FTO: variants seen among roughly 807,000 people sequenced by gnomAD.
The protein encoded by FTO is alpha-ketoglutarate-dependent dioxygenase FTO.
Under a neutral mutation model 63.9 loss-of-function variants are expected in FTO, and 47 were observed. That is an observed-to-expected ratio of 0.74 (90% confidence interval 0.58 to 0.94). The LOEUF (loss-of-function observed/expected upper bound fraction) is 0.94. Among genes scored for constraint, FTO ranks in the 40% least tolerant of loss-of-function variants. The pLI, the probability that FTO is intolerant of heterozygous loss-of-function variation, is 0.00. For synonymous variants in FTO, 207 were observed against 224.4 expected, an observed-to-expected ratio of 0.92 and a Z score of 0.69; for missense variants, 562 against 618.1, an observed-to-expected ratio of 0.91 and a Z score of 0.96.
intron 8 of FTO, among the ~76,000 whole-genome samples, chr16:54,022,725 A>C (rs114651936): frequency 0.012 from 1,888 of 152,352 alleles, 24 homozygotes; most frequent in African/African-American, 0.043. Flanking sequence ...CACAAAAAAA[A>C]CCACAAATGA....
chr16:53,872,425 C>T (rs960902902), intron 4 of FTO, among the ~76,000 whole-genome samples: 1 of 152,208 alleles, frequency 6.6e-6, no homozygotes. Context: ...TCTTTGTCTT[C>T]TCAACTTGGC....
chr16:54,008,129 A>G (rs8049988), intron 8 of FTO, among the ~76,000 whole-genome samples: 36,901 of 152,050 alleles, frequency 0.24, 4,860 homozygotes, highest in East Asian at 0.37. Flanking sequence ...CACTTAATAG[A>G]TTCTCCATAA....
chr16:53,905,110 G>A (rs777303900), intron 7 of FTO, among the ~76,000 whole-genome samples: 1 of 151,918 alleles, frequency 6.6e-6, no homozygotes, highest in Non-Finnish European at 1.5e-5. Flanking sequence ...TCAGGAGTTG[G>A]GGGCCTTACT....
At position 53,704,182 on chromosome 16, in the gene FTO, A is replaced by G. The variant is rs199561185; in HGVS notation, c.-3A>G. ...CGGTGGCGAAGGCGGCTTTAGTGGCAGCATGAAGCGCACCCCGACTGCCGA... is the reference window on the plus strand; with the variant it reads ...CGGTGGCGAAGGCGGCTTTAGTGGCGGCATGAAGCGCACCCCGACTGCCGA... On this transcript the variant is annotated 5_prime_UTR_variant, in exon 1 of 9. Coordinates refer to ENST00000471389, the MANE Select transcript of FTO (RefSeq NM_001080432.3). The G allele has an allele frequency of 1.9e-4, 293 of 1,551,406 alleles. No homozygotes were observed. The African/African-American group carries it at 3.6e-3, about 19-fold the overall frequency.
At chr16:53,732,333 G>A (rs370965968) in intron 1 of FTO, among the ~76,000 whole-genome samples, 15 of 152,290 alleles carry the variant, frequency 9.8e-5, no homozygotes, top group African/African-American at 3.6e-4. Flanking sequence ...TTACAAGCAT[G>A]AGCCACCATG....
chr16:53,884,062 G>A (rs1235868289), intron 6 of FTO, among the ~76,000 whole-genome samples: 1 of 152,118 alleles, frequency 6.6e-6, no homozygotes, highest in Non-Finnish European at 1.5e-5. Context: ...GAAGCCCTTG[G>A]TTTTACATAC....
chr16:53,882,564 G>C (rs1267449072), intron 6 of FTO, among the ~76,000 whole-genome samples: 1 of 152,188 alleles, frequency 6.6e-6, no homozygotes, highest in African/African-American at 2.4e-5. Context: ...CCTGGAGTCC[G>C]TGGAACAGTC....
intron 7 of FTO, among the ~76,000 whole-genome samples, chr16:53,889,417 ACT>A (rs2081091798): frequency 6.6e-6 from 1 of 152,212 alleles, no homozygotes; most frequent in Non-Finnish European, 1.5e-5. Flanking sequence ...CAAGGTGGAA[ACT>A]CAGGCAGGCT....
intron 1 of FTO, among the ~76,000 whole-genome samples, chr16:53,776,484 C>T (rs1025979157): frequency 6.6e-6 from 1 of 152,142 alleles, no homozygotes; most frequent in Non-Finnish European, 1.5e-5. Flanking sequence ...TTTTTGGCTT[C>T]AGAACCCTTT....
intron 1 of FTO, among the ~76,000 whole-genome samples, chr16:53,784,282 A>G (rs879821964): frequency 2.0e-5 from 3 of 152,186 alleles, no homozygotes; most frequent in Admixed American, 2.0e-4. Flanking sequence ...CATGTAGACA[A>G]ATGAAAGCTA....
intron 8 of FTO, chr16:54,070,367 AAAAT>A (rs1267528680): frequency 1.3e-5 from 2 of 152,216 alleles, no homozygotes; most frequent in Non-Finnish European, 2.9e-5. Flanking sequence ...TGAAGATTTT[AAAAT>A]AAATAAATAT....
chr16:54,062,857 C>A (rs537126671), intron 8 of FTO, among the ~76,000 whole-genome samples: 1 of 152,176 alleles, frequency 6.6e-6, no homozygotes, highest in Non-Finnish European at 1.5e-5. Flanking sequence ...CACTCACCTG[C>A]AGTGACAAAT....
intron 8 of FTO, among the ~76,000 whole-genome samples, chr16:54,005,404 A>G (rs2084178405): frequency 6.7e-6 from 1 of 148,896 alleles, no homozygotes; most frequent in Admixed American, 6.7e-5. Flanking sequence ...TAAAATATGT[A>G]ATATACATAT....
At chr16:53,873,528 ATAT>A (rs1351175902) in intron 4 of FTO, among the ~76,000 whole-genome samples, 4 of 149,714 alleles carry the variant, frequency 2.7e-5, no homozygotes, top group Non-Finnish European at 4.4e-5. Context: ...ACTTATATTT[ATAT>A]TATTATACTT....
intron 7 of FTO, among the ~76,000 whole-genome samples, chr16:53,895,924 G>A (rs2081268638): frequency 6.6e-6 from 1 of 152,118 alleles, no homozygotes; most frequent in African/African-American, 2.4e-5. Context: ...TAAACAGCCA[G>A]GGTTTGTGTT....
intron 1 of FTO, among the ~76,000 whole-genome samples, chr16:53,761,352 T>C (rs2077065340): frequency 6.6e-6 from 1 of 151,986 alleles, no homozygotes; most frequent in Admixed American, 6.6e-5. Context: ...TTCTCCCACC[T>C]TGGCCTCCCA....
intron 1 of FTO, among the ~76,000 whole-genome samples, chr16:53,783,388 G>A (rs938785193): frequency 6.6e-6 from 1 of 151,916 alleles, no homozygotes; most frequent in Non-Finnish European, 1.5e-5. Context: ...CGAGGCGGGC[G>A]GGTCACGAGG....
intron 2 of FTO, among the ~76,000 whole-genome samples, chr16:53,810,882 T>C (rs1342743397): frequency 1.3e-5 from 2 of 152,208 alleles, no homozygotes; most frequent in African/African-American, 2.4e-5. Flanking sequence ...TCATGCTCAA[T>C]AGGCTCTCAT....
chr16:53,730,708 G>A (rs117502563), intron 1 of FTO, among the ~76,000 whole-genome samples: 7,376 of 151,994 alleles, frequency 0.049, 224 homozygotes, highest in South Asian at 0.11. Flanking sequence ...TATTGCCCAG[G>A]TTGGTCTTGA....
Sources: gnomAD v4.1 joint callset for allele counts (sites outside exome capture counted in the v4.1 genomes callset) on GRCh38, gnomAD v4.1.1 for gene constraint, MANE v1.5 for transcripts, NCBI Gene and HGNC (gene_info 2026-07-23, HGNC 2026-07-21) for gene names.